Variants in LRRC4C observed in about 807,000 individuals in gnomAD.
LRRC4C encodes leucine rich repeat containing 4C, also known as leucine-rich repeat-containing protein 4C.
A neutral mutation model predicts 33.6 loss-of-function variants in LRRC4C; 5 were observed. The observed-to-expected ratio is 0.15, with a 90% CI of 0.08 to 0.31. LRRC4C has a LOEUF of 0.31. Ranked by LOEUF, LRRC4C falls within the 10% of genes least tolerant of loss-of-function variation. The pLI is 1.00. For missense variants in LRRC4C, 560 were observed against 796.7 expected, an observed-to-expected ratio of 0.70 and a Z score of 3.58; for synonymous variants, 329 against 302.0, an observed-to-expected ratio of 1.09 and a Z score of -0.93.
At chr11:40,536,758 C>A (rs144091994) in intron 3 of LRRC4C, among the ~76,000 whole-genome samples, 70 of 152,152 alleles carry the variant, frequency 4.6e-4, no homozygotes, top group African/African-American at 1.6e-3. Flanking sequence ...ACAATGCCAT[C>A]TTCTCTGCAA....
intron 1 of LRRC4C, among the ~76,000 whole-genome samples, chr11:41,423,760 T>C (rs769790620): frequency 5.3e-5 from 8 of 152,020 alleles, no homozygotes; most frequent in Non-Finnish European, 1.0e-4. Flanking sequence ...CCATTCCTTC[T>C]CCTTTATGGA....
chr11:40,155,178 AC>A (rs1485798972), intron 5 of LRRC4C, among the ~76,000 whole-genome samples: 1 of 152,150 alleles, frequency 6.6e-6, no homozygotes, highest in African/African-American at 2.4e-5. Context: ...TAATGTCACA[AC>A]CTATCAAAAC....
intron 1 of LRRC4C, among the ~76,000 whole-genome samples, chr11:41,369,514 C>T (rs1285998062): frequency 6.6e-6 from 1 of 151,516 alleles, no homozygotes; most frequent in Non-Finnish European, 1.5e-5. Flanking sequence ...ACATAACAAA[C>T]CTGCACATGT....
At chr11:41,396,711 T>C (rs1506719) in intron 1 of LRRC4C, among the ~76,000 whole-genome samples, 69,297 of 151,782 alleles carry the variant, frequency 0.46, 16,445 homozygotes, top group East Asian at 0.59. Context: ...ACCCAAGTAT[T>C]AAGACTAGTT....
intron 3 of LRRC4C, among the ~76,000 whole-genome samples, chr11:40,629,427 T>A (rs1349048417): frequency 6.6e-6 from 1 of 152,162 alleles, no homozygotes; most frequent in Non-Finnish European, 1.5e-5. Flanking sequence ...CTTTCTCAAT[T>A]CTAGGTATAT....
intron 2 of LRRC4C, among the ~76,000 whole-genome samples, chr11:40,748,867 A>G (rs1376504114): frequency 1.3e-5 from 2 of 152,110 alleles, no homozygotes; most frequent in African/African-American, 2.4e-5. Context: ...TAAGTAAAAA[A>G]CTGTAGTAAA....
intron 4 of LRRC4C, among the ~76,000 whole-genome samples, chr11:40,255,591 G>C (rs1242731165): frequency 6.6e-6 from 1 of 152,066 alleles, no homozygotes; most frequent in Non-Finnish European, 1.5e-5. Context: ...ATGCAAAGGG[G>C]GAGAAATGCT....
chr11:41,006,951 A>G (rs569010083), intron 1 of LRRC4C, among the ~76,000 whole-genome samples: 1 of 152,264 alleles, frequency 6.6e-6, no homozygotes, highest in Admixed American at 6.5e-5. Flanking sequence ...CAAGGTAGAA[A>G]CGAAAGCATA....
chr11:41,350,944 T>C (rs540864812), intron 1 of LRRC4C, among the ~76,000 whole-genome samples: 2 of 152,238 alleles, frequency 1.3e-5, no homozygotes, highest in South Asian at 2.1e-4. Flanking sequence ...CACAAAAATA[T>C]AGAGGCTGGG....
intron 2 of LRRC4C, among the ~76,000 whole-genome samples, chr11:40,731,368 G>T (rs921886996): frequency 1.3e-5 from 2 of 151,846 alleles, no homozygotes; most frequent in African/African-American, 4.8e-5. Context: ...TCTCCCCACC[G>T]CCCCTTGCTC....
chr11:40,402,175 C>T (rs538867691), intron 3 of LRRC4C, among the ~76,000 whole-genome samples: 1 of 152,172 alleles, frequency 6.6e-6, no homozygotes, highest in Non-Finnish European at 1.5e-5. Context: ...TTTTCAGGAC[C>T]TCAGTGTCAA....
intron 1 of LRRC4C, among the ~76,000 whole-genome samples, chr11:41,028,445 G>A (rs374094276): frequency 9.3e-5 from 14 of 151,346 alleles, no homozygotes; most frequent in Admixed American, 2.6e-4. Context: ...CAGCAGCTTC[G>A]CCTCAGAATT....
At chr11:40,562,918 G>C (rs1487738433) in intron 3 of LRRC4C, among the ~76,000 whole-genome samples, 1 of 151,420 alleles carries the variant, frequency 6.6e-6, no homozygotes, top group African/African-American at 2.4e-5. Context: ...CTTTCTACTC[G>C]ATCATCACTC....
At chr11:40,603,690 AC>A (rs1261471165) in intron 3 of LRRC4C, among the ~76,000 whole-genome samples, 1 of 152,178 alleles carries the variant, frequency 6.6e-6, no homozygotes, top group Non-Finnish European at 1.5e-5. Context: ...GAGTTTATTC[AC>A]TTTGCAACGC....
chr11:40,196,615 G>C (rs1156283481), intron 5 of LRRC4C, among the ~76,000 whole-genome samples: 1 of 152,110 alleles, frequency 6.6e-6, no homozygotes, highest in Non-Finnish European at 1.5e-5. Flanking sequence ...ATGAAGCAAA[G>C]CACATACAAT....
At chr11:40,537,694 C>G (rs896133219) in intron 3 of LRRC4C, among the ~76,000 whole-genome samples, 7 of 152,120 alleles carry the variant, frequency 4.6e-5, no homozygotes, top group African/African-American at 1.7e-4. Context: ...GCCAGATCCT[C>G]TCAGCTCCTA....
intron 2 of LRRC4C, among the ~76,000 whole-genome samples, chr11:40,741,187 C>T (rs896695201): frequency 9.2e-5 from 14 of 151,928 alleles, no homozygotes; most frequent in African/African-American, 3.4e-4. Flanking sequence ...AACAATCTAA[C>T]GTATTGATCT....
At chr11:40,753,590 G>C (rs1215542771) in intron 2 of LRRC4C, among the ~76,000 whole-genome samples, 2 of 148,570 alleles carry the variant, frequency 1.3e-5, no homozygotes, top group Non-Finnish European at 3.0e-5. Flanking sequence ...GCCCAGGCTG[G>C]AGTGCAGTGG....
At chr11:40,419,850 CA>C (rs1565369775) in intron 3 of LRRC4C, among the ~76,000 whole-genome samples, 1 of 152,168 alleles carries the variant, frequency 6.6e-6, no homozygotes, top group African/African-American at 2.4e-5. Context: ...AGTAGAGCAG[CA>C]ATTGTTCCTT....
Sources: gnomAD v4.1 joint callset for allele counts (sites outside exome capture counted in the v4.1 genomes callset) on GRCh38, gnomAD v4.1.1 for gene constraint, MANE v1.5 for transcripts, NCBI Gene and HGNC (gene_info 2026-07-23, HGNC 2026-07-21) for gene names.